The following ZDHHC3 variants were observed in gnomAD, a reference collection of about 807,000 sequenced individuals.
The protein encoded by ZDHHC3 is palmitoyltransferase ZDHHC3.
A neutral mutation model predicts 30.6 loss-of-function variants in ZDHHC3; 9 were observed. The observed-to-expected ratio is 0.29, with a 90% CI of 0.18 to 0.51. ZDHHC3 has a LOEUF of 0.51. Among genes scored for constraint, ZDHHC3 ranks in the 20% least tolerant of loss-of-function variants. The pLI is 0.97. For synonymous variants in ZDHHC3, 136 were observed against 140.2 expected (o/e 0.97, Z 0.21); for missense variants, 246 against 384.2 (o/e 0.64, Z 3.01).
At chr3:44,958,995 G>A in intron 2 of ZDHHC3, 136 bp downstream of exon 2, 3 of 1,067,868 alleles carry the variant, frequency 2.8e-6, no homozygotes. Context: ...ACAAGGCAGA[G>A]ATCTACTTCC....
At chr3:44,952,272 T>C (rs79099429) in intron 2 of ZDHHC3, among the ~76,000 whole-genome samples, 3,805 of 152,076 alleles carry the variant, frequency 0.025, 57 homozygotes, top group Non-Finnish European at 0.039. Flanking sequence ...CTCCACCAGG[T>C]TAATTCTGCC....
chr3:44,975,747 GTCTC>G (rs144383795), intron 1 of ZDHHC3, among the ~76,000 whole-genome samples, 182 bp downstream of exon 1: 38,266 of 134,094 alleles, frequency 0.29, 6,720 homozygotes, highest in East Asian at 0.63. Flanking sequence ...CTTAGTCGGG[GTCTC>G]TCTCTCTCTC....
chr3:44,933,409 C>T lies in ZDHHC3; in HGVS notation c.529-210G>A, dbSNP rs755830808. The T allele has an allele frequency of 6.3e-5, 38 of 603,044 alleles. No individual in the cohort carries two copies. In the South Asian group the frequency reaches 6.4e-4, roughly 10 times the overall value. The allele number at this position is 603,044 out of a possible 1,614,324, so 37.4% of individuals were successfully genotyped here. On this transcript the variant is annotated intron_variant, in intron 4 of 6. Transcript: ENST00000424952. ...AAGTGAGCAGCCACCTCCGGGAGTA[C>T]GTGGAACCAGAACAGAAGCAAGCCC... is the stretch of plus-strand genomic sequence containing the variant.
At chr3:44,939,163 A>G (rs961920836) in intron 3 of ZDHHC3, among the ~76,000 whole-genome samples, 10 of 152,218 alleles carry the variant, frequency 6.6e-5, no homozygotes, top group Admixed American at 2.0e-4. Flanking sequence ...CCTGGGGACC[A>G]GGAGGGCAAG....
chr3:44,951,752 C>T (rs776045563), intron 2 of ZDHHC3, among the ~76,000 whole-genome samples: 6 of 152,156 alleles, frequency 3.9e-5, no homozygotes, highest in Non-Finnish European at 7.3e-5. Flanking sequence ...TGCACCTGTC[C>T]CCTCCATACC....
Position 44,926,373 on chromosome 3 carries a change from G to C in ZDHHC3, c.*316C>G, listed in dbSNP as rs1226790167. 9.5e-7 allele frequency: 1 copy of C among 1,055,430 alleles called. No individual in the cohort carries two copies. The highest frequency in any genetic ancestry group is 1.7e-5 in the African/African-American group (1 of 59,822). The allele number at this position is 1,055,430 out of a possible 1,614,324, so 65.4% of individuals were successfully genotyped here. ...ATGTCTCACTCAGTTAGTAGAATGGGCACAGCGCGAGACAGCGCCCTCTAC... is the reference window on the plus strand; with the variant it reads ...ATGTCTCACTCAGTTAGTAGAATGGCCACAGCGCGAGACAGCGCCCTCTAC... On this transcript the variant is annotated 3_prime_UTR_variant, in exon 7 of 7. Transcript: ENST00000424952.
intron 2 of ZDHHC3, chr3:44,958,469 G>GGAACA (rs1284184476): frequency 5.7e-6 from 5 of 872,474 alleles, no homozygotes; most frequent in Non-Finnish European, 9.2e-6. Flanking sequence ...TACAAGAAAA[G>GGAACA]GAACAGAACA....
intron 5 of ZDHHC3, among the ~76,000 whole-genome samples, chr3:44,929,941 G>A (rs1701348214): frequency 6.6e-6 from 1 of 152,228 alleles, no homozygotes; most frequent in African/African-American, 2.4e-5. Context: ...ATCACTTGGT[G>A]GCTTTGGGAT....
Position 44,926,590 on chromosome 3 carries a change from G to C in ZDHHC3, c.*99C>G. 1 of 1,300,874 alleles carries C rather than the reference G, an allele frequency of 7.7e-7. No individual in the cohort carries two copies. Among genetic ancestry groups the C allele is most frequent in the Non-Finnish European group, 9.8e-7 (1 of 1,017,542 alleles). The allele number at this position is 1,300,874 out of a possible 1,614,324, so 80.6% of individuals were successfully genotyped here. A position where few individuals can be genotyped will look rare whatever the true frequency, so the allele number is the denominator to read the frequency against. ...AGACATAAAAAAAGTTTTAAGAGTA[G>C]TTGTTTTGCTTTTTCGATTTAAACA... On this transcript the variant is annotated 3_prime_UTR_variant, in exon 7 of 7. Coordinates refer to ENST00000424952, the MANE Select transcript of ZDHHC3 (RefSeq NM_001135179.2).
intron 2 of ZDHHC3, 103 bp from the exon 3 acceptor site, chr3:44,945,395 A>G: frequency 1.4e-6 from 2 of 1,475,602 alleles, no homozygotes; most frequent in Non-Finnish European, 1.9e-6. Context: ...ACACACACAC[A>G]TGGACAGGAC....
chr3:44,951,628 C>T (rs1384701732), intron 2 of ZDHHC3, among the ~76,000 whole-genome samples: 3 of 152,182 alleles, frequency 2.0e-5, no homozygotes, highest in East Asian at 3.8e-4. Flanking sequence ...CCATTACCTC[C>T]AAGCTTTCTC....
chr3:44,949,816 A>G (rs1703275441), intron 2 of ZDHHC3, among the ~76,000 whole-genome samples: 2 of 152,114 alleles, frequency 1.3e-5, no homozygotes, highest in Non-Finnish European at 2.9e-5. Flanking sequence ...TCTCAAGCCC[A>G]AAGGGCCTTA....
chr3:44,975,772 T>TCTCTCACA (rs1282814843), intron 1 of ZDHHC3, among the ~76,000 whole-genome samples, 161 bp downstream of exon 1: 3 of 116,704 alleles, frequency 2.6e-5, no homozygotes, highest in African/African-American at 1.0e-4. Flanking sequence ...TCTCTCTCTC[T>TCTCTCACA]CACACACACA....
intron 3 of ZDHHC3, among the ~76,000 whole-genome samples, chr3:44,934,571 C>CAAA (rs55841069): frequency 1.0e-4 from 10 of 95,588 alleles, no homozygotes; most frequent in African/African-American, 4.0e-4. Context: ...TCCATTTAGC[C>CAAA]AAAAAAAAAA....
In ZDHHC3 at chr3:44,922,636, C is replaced by T. The variant is rs969742823; in HGVS notation, c.*4053G>A. On this transcript the variant is annotated 3_prime_UTR_variant, in exon 7 of 7. Transcript: ENST00000424952. ...CCATATCACCAGCAGGCATCAGGGA[C>T]CACCTGAGGGGGGACTCCTGCTAGC... The T allele has an allele frequency of 1.7e-5, 17 of 985,310 alleles. 1 individual carries two copies. Among genetic ancestry groups the T allele is most frequent in the Non-Finnish European group, 2.0e-5 (17 of 829,922 alleles). The allele number at this position is 985,310 out of a possible 1,614,324, so 61.0% of individuals were successfully genotyped here. A position where few individuals can be genotyped will look rare whatever the true frequency, so the allele number is the denominator to read the frequency against.
chr3:44,920,288 T>C lies in ZDHHC3; in HGVS notation c.*6401A>G, dbSNP rs1423002314. 1 of 1,289,760 alleles carries C rather than the reference T, an allele frequency of 7.8e-7. No homozygotes were observed. Among genetic ancestry groups the C allele is most frequent in the Non-Finnish European group, 1.0e-6 (1 of 988,900 alleles). The allele number at this position is 1,289,760 out of a possible 1,614,324, so 79.9% of individuals were successfully genotyped here. ...GCACAGAAGCAGTGACCAGCTGAGA[T>C]GGTTTGCTTTGGGCATTCTGCATTC... is the stretch of plus-strand genomic sequence containing the variant. On this transcript the variant is annotated 3_prime_UTR_variant, in exon 7 of 7. Coordinates refer to ENST00000424952, the MANE Select transcript of ZDHHC3 (RefSeq NM_001135179.2).
intron 2 of ZDHHC3, among the ~76,000 whole-genome samples, chr3:44,946,642 G>A (rs1377473469): frequency 6.6e-6 from 1 of 152,176 alleles, no homozygotes; most frequent in Non-Finnish European, 1.5e-5. Context: ...TGATGTTCAA[G>A]GGTTGTCTCG....
chr3:44,975,307 G>A (rs1705815386), intron 1 of ZDHHC3: 1 of 152,186 alleles, frequency 6.6e-6, no homozygotes, highest in Non-Finnish European at 1.5e-5. Context: ...CATCGCAAGG[G>A]GTTGGGGTTG....
chr3:44,919,226 T>G lies in ZDHHC3; in HGVS notation c.*7463A>C. ...TGCACGTACCACCTTCACCCAATGA[T>G]CAAAGTTAACATCACAATAATGAAA... On this transcript the variant is annotated 3_prime_UTR_variant, in exon 7 of 7. Coordinates refer to ENST00000424952, the MANE Select transcript of ZDHHC3 (RefSeq NM_001135179.2). The G allele has an allele frequency of 2.2e-6, 1 of 462,476 alleles. No individual in the cohort carries two copies. Among genetic ancestry groups the G allele is most frequent in the Non-Finnish European group, 2.8e-6 (1 of 353,898 alleles). The allele number at this position is 462,476 out of a possible 1,614,324, so 28.6% of individuals were successfully genotyped here.
Sources: allele counts gnomAD v4.1 joint callset (sites outside exome capture counted in the v4.1 genomes callset), GRCh38; gene constraint gnomAD v4.1.1; transcripts MANE v1.5; gene names NCBI Gene and HGNC (gene_info 2026-07-23, HGNC 2026-07-21).